Variants in HERC3 observed in about 807,000 individuals in gnomAD.
HERC3 encodes probable E3 ubiquitin-protein ligase HERC3.
In HERC3, 58 loss-of-function variants were observed where a neutral mutation model predicts 129.9. The observed-to-expected ratio is 0.45, with a 90% confidence interval of 0.36 to 0.56. The LOEUF (loss-of-function observed/expected upper bound fraction) is 0.56, where lower values mean the gene tolerates loss of function less well. HERC3 is among the 20% of genes least tolerant of loss of function. HERC3 has a pLI of 0.00. For missense variants in HERC3, 835 were observed against 1,244.2 expected, an observed-to-expected ratio of 0.67 and a Z score of 4.95; for synonymous variants, 430 against 451.0, an observed-to-expected ratio of 0.95 and a Z score of 0.59.
the HERC3 span, among the ~76,000 whole-genome samples, chr4:88,570,440 T>C: frequency 6.6e-6 from 1 of 152,230 alleles, no homozygotes; most frequent in Non-Finnish European, 1.5e-5. Flanking sequence ...CTTTATTACA[T>C]TAAAAAATCA....
intron 3 of HERC3, among the ~76,000 whole-genome samples, chr4:88,635,372 T>A (rs999938747): frequency 5.3e-5 from 8 of 151,518 alleles, no homozygotes; most frequent in African/African-American, 1.9e-4. Flanking sequence ...GTATCAATAG[T>A]TGAATCAGTC....
chr4:88,565,629 T>C, the HERC3 span, among the ~76,000 whole-genome samples: 1 of 152,152 alleles, frequency 6.6e-6, no homozygotes, highest in African/African-American at 2.4e-5. Flanking sequence ...ATAGGCAAAG[T>C]GTGTTTCTTG....
chr4:88,697,895 G>C, intron 23 of HERC3: 6 of 1,155,398 alleles, frequency 5.2e-6, no homozygotes, highest in Non-Finnish European at 7.2e-6. Context: ...CCCGCCTCCT[G>C]CTTTCGCGGC....
chr4:88,693,333 G>GT, intron 23 of HERC3: 1 of 964,932 alleles, frequency 1.0e-6, no homozygotes, highest in Non-Finnish European at 1.2e-6. Flanking sequence ...ATTTGAATTT[G>GT]TTGGTAGATA....
the HERC3 span, among the ~76,000 whole-genome samples, chr4:88,562,460 C>T: frequency 6.6e-6 from 1 of 152,096 alleles, no homozygotes; most frequent in Non-Finnish European, 1.5e-5. Context: ...TGAGTTGTCT[C>T]TTCACTTTGT....
At chr4:88,541,156 A>G in the HERC3 span, among the ~76,000 whole-genome samples, 1 of 152,338 alleles carries the variant, frequency 6.6e-6, no homozygotes, top group East Asian at 1.9e-4. Flanking sequence ...AAATTGGATA[A>G]ACAGTCAATA....
chr4:88,686,075 C>T (rs760113920), intron 21 of HERC3, among the ~76,000 whole-genome samples: 2 of 152,088 alleles, frequency 1.3e-5, no homozygotes, highest in Non-Finnish European at 2.9e-5. Flanking sequence ...TTTATGGACA[C>T]ATTTGGCAGC....
the HERC3 span, among the ~76,000 whole-genome samples, chr4:88,586,568 A>G: frequency 6.6e-6 from 1 of 152,104 alleles, no homozygotes; most frequent in Non-Finnish European, 1.5e-5. Context: ...CATGTTGGCC[A>G]GGCTGGTCTC....
intron 3 of HERC3, among the ~76,000 whole-genome samples, chr4:88,631,651 G>A (rs536105248): frequency 1.2e-4 from 19 of 152,118 alleles, no homozygotes; most frequent in Non-Finnish European, 2.4e-4. Context: ...CTACTTCCAG[G>A]AATCTAGCCC....
intron 23 of HERC3, 144 bp from the exon 24 acceptor site, chr4:88,703,954 C>G (rs1735546000): frequency 2.8e-6 from 2 of 708,388 alleles, no homozygotes; most frequent in African/African-American, 3.5e-5. Flanking sequence ...GAGCTGGTAA[C>G]CTATATGATG....
intron 3 of HERC3, among the ~76,000 whole-genome samples, chr4:88,626,713 A>G (rs1402988138): frequency 6.6e-6 from 1 of 152,120 alleles, no homozygotes; most frequent in Non-Finnish European, 1.5e-5. Context: ...GTTGACATAA[A>G]ATTGTTTATA....
intron 9 of HERC3, chr4:88,658,169 A>T: frequency 3.2e-6 from 1 of 315,170 alleles, no homozygotes; most frequent in East Asian, 5.2e-5. Flanking sequence ...CTAGGTCAGG[A>T]TTCACTGGCA....
intron 11 of HERC3, among the ~76,000 whole-genome samples, chr4:88,663,438 C>T (rs1423191460): frequency 6.6e-6 from 1 of 152,094 alleles, no homozygotes; most frequent in Non-Finnish European, 1.5e-5. Context: ...TGACACTTTA[C>T]CATTAGTTCT....
intron 3 of HERC3, among the ~76,000 whole-genome samples, chr4:88,629,266 T>G (rs1726475974): frequency 6.6e-6 from 1 of 152,186 alleles, no homozygotes; most frequent in Non-Finnish European, 1.5e-5. Context: ...GCAAATAAAT[T>G]CTCTTTAATT....
At chr4:88,577,429 A>C in the HERC3 span, among the ~76,000 whole-genome samples, 1 of 152,050 alleles carries the variant, frequency 6.6e-6, no homozygotes, top group Non-Finnish European at 1.5e-5. Flanking sequence ...ACCCATATTG[A>C]CTACAATTTC....
intron 2 of HERC3, 26 bp from the exon 3 acceptor site, chr4:88,605,769 A>C (rs1051838406): frequency 1.3e-5 from 19 of 1,412,420 alleles, no homozygotes; most frequent in African/African-American, 5.8e-5. Flanking sequence ...TTAATTAAAA[A>C]ATAATTTTTT....
chr4:88,691,432 C>T (rs2904250), intron 23 of HERC3, among the ~76,000 whole-genome samples: 24,575 of 152,104 alleles, frequency 0.16, 2,253 homozygotes, highest in South Asian at 0.31. Context: ...TTCTGGAGGC[C>T]GGAAGTCCAA....
chr4:88,531,679 A>G, the HERC3 span, among the ~76,000 whole-genome samples: 1 of 152,212 alleles, frequency 6.6e-6, no homozygotes, highest in African/African-American at 2.4e-5. Context: ...CTTTATAGAT[A>G]GGGTTCTGGC....
At chr4:88,606,605 C>T (rs770813512) in intron 3 of HERC3, among the ~76,000 whole-genome samples, 3 of 152,270 alleles carry the variant, frequency 2.0e-5, no homozygotes, top group African/African-American at 4.8e-5. Context: ...TACAGTTCCA[C>T]GTGGCTGGGG....
Sources: gnomAD v4.1 joint callset for allele counts (sites outside exome capture counted in the v4.1 genomes callset) on GRCh38, gnomAD v4.1.1 for gene constraint, MANE v1.5 for transcripts, NCBI Gene and HGNC (gene_info 2026-07-23, HGNC 2026-07-21) for gene names.